PALM2AKAP2: variants seen among roughly 807,000 people sequenced by gnomAD.
PALM2AKAP2 encodes PALM2-AKAP2 fusion protein.
A neutral mutation model predicts 71.5 loss-of-function variants in PALM2AKAP2; 37 were observed. That is an observed-to-expected ratio of 0.52 (90% confidence interval 0.40 to 0.68). The LOEUF is 0.68. Among genes scored for constraint, PALM2AKAP2 ranks in the 30% least tolerant of loss-of-function variants. The probability of loss-of-function intolerance (pLI) is 0.00; values close to 1 mark genes in which losing one functional copy is unlikely to be tolerated. For missense variants in PALM2AKAP2, 1,224 were observed against 1,191.8 expected, an observed-to-expected ratio of 1.03 and a Z score of -0.40; for synonymous variants, 468 against 478.8, an observed-to-expected ratio of 0.98 and a Z score of 0.29.
intron 1 of PALM2AKAP2, among the ~76,000 whole-genome samples, chr9:109,709,020 G>T (rs140255884): frequency 6.6e-6 from 1 of 152,136 alleles, no homozygotes; most frequent in African/African-American, 2.4e-5. Context: ...GCAGGGATGG[G>T]GCCAGCTATA....
chr9:110,140,911 G>C (rs2119129269), intron 2 of PALM2AKAP2, among the ~76,000 whole-genome samples: 1 of 152,316 alleles, frequency 6.6e-6, no homozygotes, highest in African/African-American at 2.4e-5. Flanking sequence ...GAAGAGTGCA[G>C]TGACTTTCTT....
intron 7 of PALM2AKAP2, among the ~76,000 whole-genome samples, chr9:110,022,735 C>A (rs536457002): frequency 3.4e-4 from 51 of 152,118 alleles, no homozygotes; most frequent in African/African-American, 8.0e-4. Flanking sequence ...CCTCTCCCCC[C>A]ACCCCACAAC....
chr9:109,860,261 T>TC (rs1265271300), intron 1 of PALM2AKAP2, among the ~76,000 whole-genome samples: 1 of 152,166 alleles, frequency 6.6e-6, no homozygotes, highest in African/African-American at 2.4e-5. Flanking sequence ...TTCTTTTTTT[T>TC]CCCCTCAGAT....
chr9:109,867,654 G>A (rs560290892), intron 2 of PALM2AKAP2, 83 bp downstream of exon 2: 29 of 1,466,868 alleles, frequency 2.0e-5, no homozygotes, highest in South Asian at 4.0e-5. Context: ...CTGCCCTGCC[G>A]TGAAGGCGCT....
intron 1 of PALM2AKAP2, among the ~76,000 whole-genome samples, chr9:109,822,173 G>A (rs183710798): frequency 1.4e-3 from 219 of 152,272 alleles, no homozygotes; most frequent in African/African-American, 4.8e-3. Context: ...CCACAGAATC[G>A]AAAACAGAAA....
chr9:109,842,468 C>T (rs904870315), intron 1 of PALM2AKAP2, among the ~76,000 whole-genome samples: 1 of 152,128 alleles, frequency 6.6e-6, no homozygotes, highest in Admixed American at 6.5e-5. Context: ...GAGGCGGGTA[C>T]GCAGAATACA....
intron 1 of PALM2AKAP2, among the ~76,000 whole-genome samples, chr9:109,651,702 A>G (rs1827227506): frequency 6.6e-6 from 1 of 152,178 alleles, no homozygotes; most frequent in Admixed American, 6.5e-5. Context: ...GCACACTCAA[A>G]TATTTAAGAA....
chr9:110,054,776 C>T (rs192150774), intron 1 of PALM2AKAP2, among the ~76,000 whole-genome samples: 16 of 152,178 alleles, frequency 1.1e-4, no homozygotes, highest in Admixed American at 2.0e-4. Context: ...CTCACTACAT[C>T]GACCAAGCTG....
intron 1 of PALM2AKAP2, among the ~76,000 whole-genome samples, chr9:109,657,452 TTGTGTG>T (rs3062680): frequency 2.6e-4 from 39 of 147,216 alleles, no homozygotes; most frequent in African/African-American, 9.4e-4. Context: ...AATATGGTAT[TTGTGTG>T]TGTGTGTGTG....
intron 1 of PALM2AKAP2, among the ~76,000 whole-genome samples, chr9:110,077,736 C>T (rs914345850): frequency 6.6e-6 from 1 of 152,138 alleles, no homozygotes; most frequent in Admixed American, 6.5e-5. Flanking sequence ...TAGGTCTTAG[C>T]CGAGTGCAGT....
intron 6 of PALM2AKAP2, among the ~76,000 whole-genome samples, chr9:110,004,221 C>T (rs1307919047): frequency 2.0e-5 from 3 of 152,138 alleles, no homozygotes; most frequent in African/African-American, 4.8e-5. Context: ...TTAGGGCAGG[C>T]CTGGTGGTGA....
chr9:109,724,005 T>A (rs1481350790), intron 1 of PALM2AKAP2, among the ~76,000 whole-genome samples: 1 of 152,188 alleles, frequency 6.6e-6, no homozygotes, highest in African/African-American at 2.4e-5. Flanking sequence ...AATGGCTAGG[T>A]CATACGTTCA....
chr9:109,830,848 GA>G (rs1156876880), intron 1 of PALM2AKAP2, among the ~76,000 whole-genome samples: 1 of 152,126 alleles, frequency 6.6e-6, no homozygotes, highest in Admixed American at 6.5e-5. Context: ...CAGCATTGAC[GA>G]AGTCTACACT....
rs114642718 is a variant in PALM2AKAP2, at chr9:109,901,322, G to A, written c.257+20641G>A. ...CCACCTGTTGTAAACAGCTGAGAGG[G>A]GCTTAGCTCCACGTGGAGGTTGTCA... On this transcript the variant is annotated intron_variant, in intron 3 of 9. Transcript: ENST00000302798. 7.9e-3 allele frequency among the ~76,000 whole-genome samples: 1,196 copies of A among 152,308 alleles called. 20 individuals are homozygous for A. Among genetic ancestry groups the A allele is most frequent in the African/African-American group, 0.027 (1,131 of 41,558 alleles).
intron 1 of PALM2AKAP2, among the ~76,000 whole-genome samples, chr9:109,847,942 AG>A (rs1231171185): frequency 1.3e-5 from 2 of 152,218 alleles, no homozygotes; most frequent in East Asian, 3.8e-4. Flanking sequence ...AAAAATTAAT[AG>A]CCAGGATCAT....
At chr9:109,736,177 A>T (rs912016696) in intron 1 of PALM2AKAP2, among the ~76,000 whole-genome samples, 1 of 152,170 alleles carries the variant, frequency 6.6e-6, no homozygotes, top group South Asian at 2.1e-4. Context: ...TTGTATATTT[A>T]TATGTGGAAA....
chr9:109,701,517 A>G (rs960779068), intron 1 of PALM2AKAP2, among the ~76,000 whole-genome samples: 40 of 152,158 alleles, frequency 2.6e-4, no homozygotes, highest in Admixed American at 5.2e-4. Flanking sequence ...TTAATAAATG[A>G]TGCTGGGAAA....
chr9:110,090,526 T>C (rs551872243), intron 1 of PALM2AKAP2: 91 of 433,352 alleles, frequency 2.1e-4, no homozygotes, highest in Non-Finnish European at 3.7e-4. Context: ...TTCAGGGACA[T>C]TGCATTTATG....
At chr9:110,161,060 G>T (rs1415103098) in intron 3 of PALM2AKAP2, among the ~76,000 whole-genome samples, 1 of 152,148 alleles carries the variant, frequency 6.6e-6, no homozygotes, top group Non-Finnish European at 1.5e-5. Context: ...TTCCCCAGAC[G>T]CTACAGGAAG....
Sources: gnomAD v4.1 joint callset for allele counts (sites outside exome capture counted in the v4.1 genomes callset) on GRCh38, gnomAD v4.1.1 for gene constraint, MANE v1.5 for transcripts, NCBI Gene and HGNC (gene_info 2026-07-23, HGNC 2026-07-21) for gene names.